ARK2C: variants seen among roughly 807,000 people sequenced by gnomAD.
ARK2C encodes the protein arkadia (RNF111) C-terminal like ring finger ubiquitin ligase 2C.
At chr18:46,419,312 A>G in the ARK2C span, among the ~76,000 whole-genome samples, 1 of 152,306 alleles carries the variant, frequency 6.6e-6, no homozygotes, top group East Asian at 1.9e-4. Context: ...AGCCAGCCCT[A>G]GGCCAGACCT....
the ARK2C span, among the ~76,000 whole-genome samples, chr18:46,385,169 G>C: frequency 6.6e-6 from 1 of 152,186 alleles, no homozygotes; most frequent in African/African-American, 2.4e-5. Context: ...TTGGGTTAGA[G>C]AATATGTTTG....
At chr18:46,362,609 G>A in the ARK2C span, among the ~76,000 whole-genome samples, 1 of 152,232 alleles carries the variant, frequency 6.6e-6, no homozygotes, top group African/African-American at 2.4e-5. Flanking sequence ...TGACTAATGA[G>A]AGCCTCAAAG....
chr18:46,433,640 A>G, the ARK2C span: 3 of 762,550 alleles, frequency 3.9e-6, no homozygotes, highest in Non-Finnish European at 6.1e-6. Flanking sequence ...AGGCTCCTAG[A>G]CTCCTGGCTT....
At chr18:46,339,059 G>T in the ARK2C span, among the ~76,000 whole-genome samples, 1 of 152,206 alleles carries the variant, frequency 6.6e-6, no homozygotes, top group Admixed American at 6.5e-5. Flanking sequence ...GTGACACATG[G>T]ACACACATGG....
chr18:46,439,041 A>G, the ARK2C span, among the ~76,000 whole-genome samples: 1 of 152,294 alleles, frequency 6.6e-6, no homozygotes, highest in Admixed American at 6.5e-5. Flanking sequence ...GTGTGCATGG[A>G]GTCTGTGAGA....
the ARK2C span, among the ~76,000 whole-genome samples, chr18:46,430,042 C>A: frequency 6.6e-6 from 1 of 152,212 alleles, no homozygotes; most frequent in Admixed American, 6.5e-5. Context: ...GAGATCCCTG[C>A]GCAGCTGTGT....
the ARK2C span, among the ~76,000 whole-genome samples, chr18:46,383,123 G>C: frequency 1.3e-3 from 201 of 152,356 alleles, 2 homozygotes; most frequent in African/African-American, 4.5e-3. Flanking sequence ...GCCTAGGCCG[G>C]GGTAGGTGCT....
the ARK2C span, among the ~76,000 whole-genome samples, chr18:46,384,356 T>G: frequency 1.3e-5 from 2 of 152,132 alleles, no homozygotes; most frequent in Admixed American, 6.5e-5. Context: ...TGTATGTGTG[T>G]GGGGGGGATT....
chr18:46,435,443 G>A, the ARK2C span: 2 of 1,420,248 alleles, frequency 1.4e-6, no homozygotes, highest in Non-Finnish European at 2.0e-6. Flanking sequence ...AGGGAGGGAG[G>A]AGGGAGGTCT....
the ARK2C span, chr18:46,433,073 G>C: frequency 1.4e-6 from 1 of 693,312 alleles, no homozygotes; most frequent in South Asian, 2.0e-5. Flanking sequence ...ACGCTGCTGT[G>C]TCCTAATGTA....
At chr18:46,368,278 C>T in the ARK2C span, among the ~76,000 whole-genome samples, 3 of 152,246 alleles carry the variant, frequency 2.0e-5, no homozygotes, top group Middle Eastern at 3.4e-3. Flanking sequence ...TGGCTTGGGA[C>T]GTGGAGGCCT....
At chr18:46,450,894 TC>T in the ARK2C span, 1 of 852,934 alleles carries the variant, frequency 1.2e-6, no homozygotes, top group Non-Finnish European at 1.9e-6. Context: ...AGGGGTGCAG[TC>T]CAGATTCTAG....
At chr18:46,389,592 C>T in the ARK2C span, among the ~76,000 whole-genome samples, 1 of 152,186 alleles carries the variant, frequency 6.6e-6, no homozygotes, top group Non-Finnish European at 1.5e-5. Flanking sequence ...TACGCTTTCC[C>T]CAGCCCATCC....
the ARK2C span, among the ~76,000 whole-genome samples, chr18:46,422,474 A>G: frequency 3.9e-5 from 6 of 152,370 alleles, no homozygotes; most frequent in Middle Eastern, 6.8e-3. Context: ...CATGTTGAGT[A>G]GAACGTGAAG....
chr18:46,450,322 T>C, the ARK2C span: 1 of 1,613,990 alleles, frequency 6.2e-7, no homozygotes, highest in East Asian at 2.2e-5. Context: ...GAAACTACCC[T>C]TACCCTCAGC....
the ARK2C span, among the ~76,000 whole-genome samples, chr18:46,372,242 A>C: frequency 1.3e-5 from 2 of 150,754 alleles, no homozygotes; most frequent in South Asian, 2.1e-4. Context: ...GGTTGGCAGC[A>C]TAGTATTCTG....
At chr18:46,352,545 T>C in the ARK2C span, among the ~76,000 whole-genome samples, 2 of 152,202 alleles carry the variant, frequency 1.3e-5, no homozygotes, top group African/African-American at 2.4e-5. Flanking sequence ...TGGTGCTCAA[T>C]ATCAAGGACT....
At chr18:46,415,539 A>G in the ARK2C span, among the ~76,000 whole-genome samples, 3 of 151,784 alleles carry the variant, frequency 2.0e-5, no homozygotes, top group African/African-American at 7.3e-5. Flanking sequence ...AAAAATAAAA[A>G]AAATAAAAAA....
the ARK2C span, among the ~76,000 whole-genome samples, chr18:46,404,619 G>A: frequency 6.6e-6 from 1 of 152,094 alleles, no homozygotes; most frequent in South Asian, 2.1e-4. Context: ...AGGGCATGGT[G>A]GCGGGAGCCT....
Sources: allele counts gnomAD v4.1 joint callset (sites outside exome capture counted in the v4.1 genomes callset), GRCh38; gene constraint gnomAD v4.1.1; transcripts MANE v1.5; gene names NCBI Gene and HGNC (gene_info 2026-07-23, HGNC 2026-07-21).